SDAD1: variants seen among roughly 807,000 people sequenced by gnomAD.
SDAD1 encodes protein SDA1 homolog.
A neutral mutation model predicts 100.3 loss-of-function variants in SDAD1; 79 were observed. The ratio of observed to expected loss-of-function variants is 0.79; its 90% CI spans 0.66 to 0.95. The LOEUF (loss-of-function observed/expected upper bound fraction) is 0.95, where lower values mean the gene tolerates loss of function less well. Ranked by LOEUF, SDAD1 falls within the 40% of genes least tolerant of loss-of-function variation. The pLI, the probability that SDAD1 is intolerant of heterozygous loss-of-function variation, is 0.00. For missense variants in SDAD1, 790 were observed against 810.9 expected (o/e 0.97, Z 0.31); for synonymous variants, 267 against 271.4 (o/e 0.98, Z 0.16).
intron 17 of SDAD1, among the ~76,000 whole-genome samples, chr4:75,958,798 T>TAAAA (rs780035774): frequency 7.7e-6 from 1 of 130,524 alleles, no homozygotes. Context: ...CAAAGCCCTT[T>TAAAA]AAAAAAAAAA....
chr4:75,977,065 G>A (rs1044734296), intron 4 of SDAD1, among the ~76,000 whole-genome samples: 3 of 152,134 alleles, frequency 2.0e-5, no homozygotes, highest in South Asian at 2.1e-4. Flanking sequence ...TGCTGGTATT[G>A]TAGGTGTGAG....
intron 1 of SDAD1, among the ~76,000 whole-genome samples, chr4:75,984,778 A>AACACACACACACACACACAAAC (rs1730782323): frequency 7.3e-6 from 1 of 136,928 alleles, no homozygotes; most frequent in African/African-American, 2.7e-5. Context: ...CACACACACA[A>AACACACACACACACACACAAAC]ACACACACAC....
intron 21 of SDAD1, among the ~76,000 whole-genome samples, chr4:75,955,324 C>T (rs924932769): frequency 1.3e-5 from 2 of 152,132 alleles, no homozygotes; most frequent in African/African-American, 2.4e-5. Flanking sequence ...TTGGCAGCAT[C>T]GCAGGACCAG....
At chr4:75,967,194 CTT>C (rs1266376286) in intron 12 of SDAD1, 81 bp downstream of exon 12, 2 of 1,325,026 alleles carry the variant, frequency 1.5e-6, no homozygotes, top group African/African-American at 2.9e-5. Flanking sequence ...GCACTCCTGT[CTT>C]TAGTGATTCC....
At chr4:75,951,223 T>C (rs1300078946) in intron 21 of SDAD1, among the ~76,000 whole-genome samples, 2 of 152,210 alleles carry the variant, frequency 1.3e-5, no homozygotes, top group Non-Finnish European at 2.9e-5. Context: ...ATATCACATA[T>C]ATTCCACTAA....
chr4:75,975,754 T>C lies in SDAD1; in HGVS notation c.568A>G (p.Arg190Gly). ...ATATATATACACTACCAGATGTTCCTTCTGTAGAGTTCAATCATTACATCT... is the reference window on the plus strand; with the variant it reads ...ATATATATACACTACCAGATGTTCCCTCTGTAGAGTTCAATCATTACATCT... ...SLDVMIELYR[R>G]NIWNDAKTVN... Residue 190 changes from arginine to glycine, a missense_variant, in exon 6 of 22, where the codon AGG (arginine) becomes GGG (glycine). Coordinates refer to ENST00000356260, the MANE Select transcript of SDAD1 (RefSeq NM_018115.4). The C allele has an allele frequency of 1.2e-6, 2 of 1,610,538 alleles. No individual in the cohort carries two copies. The highest frequency in any genetic ancestry group is 1.7e-6 in the Non-Finnish European group (2 of 1,176,740).
intron 1 of SDAD1, among the ~76,000 whole-genome samples, chr4:75,984,550 T>C (rs1578149587): frequency 6.6e-6 from 1 of 152,060 alleles, no homozygotes; most frequent in Non-Finnish European, 1.5e-5. Flanking sequence ...CCAATAGCAG[T>C]AGACACATGG....
At chr4:75,974,000 T>G (rs1730011383) in intron 7 of SDAD1, 76 bp downstream of exon 7, 1 of 1,256,116 alleles carries the variant, frequency 8.0e-7, no homozygotes, top group Admixed American at 1.7e-5. Flanking sequence ...TTATGCTGAG[T>G]GATGCTTTCT....
chr4:75,961,329 T>C (rs747400724), intron 14 of SDAD1, 21 bp from the exon 15 acceptor site: 2 of 1,567,746 alleles, frequency 1.3e-6, no homozygotes, highest in East Asian at 2.2e-5. Context: ...AAAAACAAAG[T>C]TTAAAAGAGC....
intron 17 of SDAD1, among the ~76,000 whole-genome samples, chr4:75,958,185 C>T (rs1729014877): frequency 6.6e-6 from 1 of 152,200 alleles, no homozygotes; most frequent in South Asian, 2.1e-4. Flanking sequence ...ACCCTCATAA[C>T]TCCAAAGAAA....
intron 1 of SDAD1, among the ~76,000 whole-genome samples, chr4:75,985,479 C>A (rs1352407782): frequency 6.6e-6 from 1 of 152,172 alleles, no homozygotes; most frequent in African/African-American, 2.4e-5. Context: ...GTCCTCACCC[C>A]CAGCTTTGAA....
rs1457410321 is a variant in SDAD1 at position 75,981,510 on chromosome 4, C to T, written c.196-40G>A. 3 of 1,611,782 alleles carry T rather than the reference C, an allele frequency of 1.9e-6. No homozygotes were observed. The Middle Eastern group carries it at 5.0e-4, about 266-fold the overall frequency. On this transcript the variant is annotated intron_variant, in intron 2 of 21. Transcript: ENST00000356260. Reference sequence around the variant, plus strand: ...AGGCTCTTCTGAAGTTGCTCTCTTTCTCTCCTATAATTCAGATGCATACAT... The same window carrying T: ...AGGCTCTTCTGAAGTTGCTCTCTTTTTCTCCTATAATTCAGATGCATACAT...
chr4:75,973,707 A>G (rs1729996222), intron 7 of SDAD1, among the ~76,000 whole-genome samples: 1 of 152,180 alleles, frequency 6.6e-6, no homozygotes, highest in South Asian at 2.1e-4. Context: ...TTGACCTTAA[A>G]TTTCTTTTAG....
At position 75,975,743 on chromosome 4, in the gene SDAD1, C is replaced by T. The variant is rs1490234223; in HGVS notation, c.578+1G>A. ...TCAAGAGACAAATATATATACACTA[C>T]CAGATGTTCCTTCTGTAGAGTTCAA... On this transcript the variant is annotated splice_donor_variant, in intron 6 of 21. Transcript: ENST00000356260. LOFTEE classifies it high-confidence loss of function. 3.1e-6 allele frequency: 5 copies of T among 1,601,996 alleles called. No homozygotes were observed. The South Asian group carries it at 3.3e-5, about 11-fold the overall frequency.
intron 21 of SDAD1, among the ~76,000 whole-genome samples, chr4:75,955,230 T>A (rs1728823001): frequency 6.6e-6 from 1 of 152,190 alleles, no homozygotes; most frequent in Admixed American, 6.5e-5. Flanking sequence ...CCATCTCACC[T>A]CATAATCAAA....
intron 21 of SDAD1, among the ~76,000 whole-genome samples, chr4:75,952,260 G>T (rs755912241): frequency 6.6e-6 from 1 of 152,146 alleles, no homozygotes; most frequent in Non-Finnish European, 1.5e-5. Context: ...GGAAAGCCCT[G>T]GAATAGTGAA....
In SDAD1 at chr4:75,950,762, T is replaced by C. The variant is rs1439047197; in HGVS notation, c.2052A>G (p.Lys684=). 6.3e-7 allele frequency: 1 copy of C among 1,592,526 alleles called. No individual in the cohort carries two copies. The highest frequency in any genetic ancestry group is 8.6e-7 in the Non-Finnish European group (1 of 1,163,302). ...ALRDALLKKR[K]RMK is the part of the protein sequence containing the mutation. ...ACTTGCCAGGAAGTTACTTCATTCT[T>C]TTTCTCTTTTTCAAAAGTGCATCTC... Residue 684 remains lysine (K), a synonymous_variant, in exon 22 of 22, where the codon AAA becomes AAG. Transcript: ENST00000356260.
Position 75,974,001 on chromosome 4 carries a change from G to A in SDAD1, c.636+75C>T, listed in dbSNP as rs1331393073. 5 of 1,270,944 alleles carry A rather than the reference G, an allele frequency of 3.9e-6. No individual in the cohort carries two copies. The East Asian group carries it at 1.2e-4, about 30-fold the overall frequency. 78.7% of individuals were successfully genotyped at this position (1,270,944 alleles called of 1,614,324 possible). ...TGCAGGCATGCAGTTTATGCTGAGT[G>A]ATGCTTTCTTCTAACTGCATGCAGA... On this transcript the variant is annotated intron_variant, in intron 7 of 21. Coordinates refer to ENST00000356260, the MANE Select transcript of SDAD1 (RefSeq NM_018115.4).
At position 75,957,872 on chromosome 4, in the gene SDAD1, G is replaced by C; in HGVS notation, c.1553C>G (p.Ser518Cys). Residue 518 changes from serine (S) to cysteine (C), a missense_variant, in exon 18 of 22, where the codon TCT (serine) becomes TGT (cysteine). Ser to Cys is a moderately radical substitution (Grantham distance 112). Transcript: ENST00000356260. ...GATTTCTTGCTGTTCTTCATCGGAAGAGTGTTGCACATCAATCCATTCACC... is the reference window on the plus strand; with the variant it reads ...GATTTCTTGCTGTTCTTCATCGGAACAGTGTTGCACATCAATCCATTCACC... The part of the protein sequence containing the change: ...ADGEWIDVQH[S>C]SDEEQQEISK... The C allele has an allele frequency of 6.2e-7, 1 of 1,613,876 alleles. No homozygotes were observed. Among genetic ancestry groups the C allele is most frequent in the Non-Finnish European group, 8.5e-7 (1 of 1,179,992 alleles).
Sources: allele counts gnomAD v4.1 joint callset (sites outside exome capture counted in the v4.1 genomes callset), GRCh38; gene constraint gnomAD v4.1.1; transcripts MANE v1.5; gene names NCBI Gene and HGNC (gene_info 2026-07-23, HGNC 2026-07-21).